The following MRC2 variants were observed in gnomAD, a reference collection of about 807,000 sequenced individuals.
The protein encoded by MRC2 is C-type mannose receptor 2.
A neutral mutation model predicts 206.2 loss-of-function variants in MRC2; 84 were observed. The ratio of observed to expected loss-of-function variants is 0.41; its 90% confidence interval spans 0.34 to 0.49. The LOEUF is 0.49. Ranked by LOEUF, MRC2 falls within the 20% of genes least tolerant of loss-of-function variation. The pLI is 0.31. For synonymous variants in MRC2, 798 were observed against 800.0 expected, an observed-to-expected ratio of 1.00 and a Z score of 0.04; for missense variants, 1,676 against 2,001.5, an observed-to-expected ratio of 0.84 and a Z score of 3.10.
chr17:62,640,550 C>T (rs1253215673), intron 1 of MRC2, among the ~76,000 whole-genome samples: 3 of 152,126 alleles, frequency 2.0e-5, no homozygotes, highest in South Asian at 2.1e-4. Context: ...GACACTGTCT[C>T]GCTCTGTTGC....
chr17:62,636,562 A>G (rs7213003), intron 1 of MRC2, among the ~76,000 whole-genome samples: 150,381 of 150,424 alleles, frequency 1, 75,169 homozygotes, highest in Middle Eastern at 1. Context: ...TCCACCTCCC[A>G]GGTTCACGCC....
chr17:62,659,266 G>T (rs747392212), intron 1 of MRC2, among the ~76,000 whole-genome samples: 3 of 152,172 alleles, frequency 2.0e-5, no homozygotes, highest in African/African-American at 2.4e-5. Flanking sequence ...CAGGCCGGGC[G>T]TGGTGGCTCA....
At chr17:62,644,898 A>G (rs1391403987) in intron 1 of MRC2, among the ~76,000 whole-genome samples, 1 of 152,058 alleles carries the variant, frequency 6.6e-6, no homozygotes, top group Non-Finnish European at 1.5e-5. Flanking sequence ...TGCTCTCTCC[A>G]TTAATAGCCC....
chr17:62,654,953 G>A (rs1251463304), intron 1 of MRC2, among the ~76,000 whole-genome samples: 1 of 152,144 alleles, frequency 6.6e-6, no homozygotes, highest in Non-Finnish European at 1.5e-5. Context: ...AGATCAGCTT[G>A]GGCAACAAAG....
At chr17:62,638,950 G>A (rs1385106029) in intron 1 of MRC2, among the ~76,000 whole-genome samples, 2 of 151,934 alleles carry the variant, frequency 1.3e-5, no homozygotes, top group African/African-American at 4.8e-5. Flanking sequence ...TAAATGTTAT[G>A]AGGACACCTG....
chr17:62,672,296 G>A lies in MRC2; in HGVS notation c.1461+144G>A. Reference sequence around the variant, plus strand: ...AGCAGTCCCCCTCCTCCCCACCAATGCCTTCCCTTCCATGTGAGAGACTGC... The same window carrying A: ...AGCAGTCCCCCTCCTCCCCACCAATACCTTCCCTTCCATGTGAGAGACTGC... On this transcript the variant is annotated intron_variant, in intron 8 of 29. Coordinates refer to ENST00000303375, the MANE Select transcript of MRC2 (RefSeq NM_006039.5). The surrounding 1 kb of genome is among the most constrained non-coding windows in gnomAD (Gnocchi z 4.5). 1.1e-6 allele frequency: 1 copy of A among 940,434 alleles called. No individual in the cohort carries two copies. 58.3% of individuals were successfully genotyped at this position (940,434 alleles called of 1,614,324 possible). A position where few individuals can be genotyped will look rare whatever the true frequency, so the allele number is the denominator to read the frequency against.
At chr17:62,661,338 G>A (rs2088676972) in intron 1 of MRC2, among the ~76,000 whole-genome samples, 1 of 152,112 alleles carries the variant, frequency 6.6e-6, no homozygotes, top group Non-Finnish European at 1.5e-5. Flanking sequence ...TACTATGAGC[G>A]AGGCTGTCAT....
In MRC2 at chr17:62,658,280, G is replaced by A. The variant is rs562268264; in HGVS notation, c.119-6268G>A. Among the ~76,000 whole-genome samples the A allele has an allele frequency of 5.9e-5, 9 of 152,240 alleles. No individual in the cohort carries two copies. In the South Asian group the frequency reaches 1.9e-3, roughly 32 times the overall value. Reference sequence around the variant, plus strand: ...CCTCTAACTGGATTACAAATCCTGCGAGGGGAGGGACGGTGCTGCGAGTTT... The same window carrying A: ...CCTCTAACTGGATTACAAATCCTGCAAGGGGAGGGACGGTGCTGCGAGTTT... On this transcript the variant is annotated intron_variant, in intron 1 of 29. Coordinates refer to ENST00000303375, the MANE Select transcript of MRC2 (RefSeq NM_006039.5).
In MRC2 at chr17:62,672,106, A is replaced by G. The variant is rs1369706119; in HGVS notation, c.1415A>G (p.Asn472Ser). ...ACCCACTGGCACCCCTTTGAGCCCA[A>G]CAACTTCCGGGACAGTCTGGAGGAC... ...SFTHWHPFEP[N>S]NFRDSLEDCV... The change falls in exon 8 of 30, where the codon AAC (asparagine) becomes AGC (serine). Residue 472 changes from asparagine to serine, a missense_variant. Asn to Ser is a conservative substitution (Grantham distance 46). This residue lies in a region of MRC2 where 1,354 missense variants were observed against 1,636.6 expected (regional missense o/e 0.83). Coordinates refer to ENST00000303375, the MANE Select transcript of MRC2 (RefSeq NM_006039.5). This position sits in a 1 kb window ranked among gnomAD's most constrained non-coding sequence, Gnocchi z 4.5. 6.2e-7 allele frequency: 1 copy of G among 1,614,114 alleles called. No homozygotes were observed. Among genetic ancestry groups the G allele is most frequent in the African/African-American group, 1.3e-5 (1 of 75,028 alleles).
At chr17:62,633,826 G>T (rs1208088188) in intron 1 of MRC2, among the ~76,000 whole-genome samples, 1 of 107,626 alleles carries the variant, frequency 9.3e-6, no homozygotes, top group African/African-American at 3.6e-5. Context: ...GAGTGACAGA[G>T]TGAGACCCTG....
intron 1 of MRC2, among the ~76,000 whole-genome samples, chr17:62,630,575 G>A (rs1217549318): frequency 1.3e-5 from 2 of 152,174 alleles, no homozygotes; most frequent in Non-Finnish European, 2.9e-5. Flanking sequence ...AGGTGCCTGG[G>A]AGGCCAGAAT....
Position 62,680,664 on chromosome 17 carries a change from G to C in MRC2, c.2474-136G>C. ...CCTGGGGCCTGGGGCCTGGCACGGT[G>C]CCTGCCTGGGTCCGGTGTGCCTGCA... On this transcript the variant is annotated intron_variant, in intron 16 of 29. Transcript: ENST00000303375. The surrounding 1 kb of genome is among the most constrained non-coding windows in gnomAD (Gnocchi z 4.8). 1 of 1,292,900 alleles carries C rather than the reference G, an allele frequency of 7.7e-7. No homozygotes were observed. Among genetic ancestry groups the C allele is most frequent in the African/African-American group, 1.5e-5 (1 of 66,576 alleles). The allele number at this position is 1,292,900 out of a possible 1,614,324, so 80.1% of individuals were successfully genotyped here.
At chr17:62,636,668 T>G (rs1432962480) in intron 1 of MRC2, among the ~76,000 whole-genome samples, 1 of 151,832 alleles carries the variant, frequency 6.6e-6, no homozygotes, top group African/African-American at 2.4e-5. Context: ...GAGACGGGGT[T>G]TCACCGTGTT....
chr17:62,664,957 G>C lies in MRC2; in HGVS notation c.520+8G>C. The C allele has an allele frequency of 6.3e-7, 1 of 1,590,838 alleles. No individual in the cohort carries two copies. The highest frequency in any genetic ancestry group is 8.5e-7 in the Non-Finnish European group (1 of 1,169,770). ...GTGCTCTGCCCTACCACGGTGAGGG[G>C]CCGCTTGCAGGCGGGAGGGTGGGGT... On this transcript the variant is annotated splice_region_variant and intron_variant, in intron 2 of 29. Coordinates refer to ENST00000303375, the MANE Select transcript of MRC2 (RefSeq NM_006039.5). The surrounding 1 kb of genome is among the most constrained non-coding windows in gnomAD (Gnocchi z 4.7).
At position 62,666,074 on chromosome 17, in the gene MRC2, C is replaced by A; in HGVS notation, c.521-20C>A. 1 of 1,569,526 alleles carries A rather than the reference C, an allele frequency of 6.4e-7. No individual in the cohort carries two copies. The highest frequency in any genetic ancestry group is 1.4e-5 in the African/African-American group (1 of 73,944). On this transcript the variant is annotated intron_variant, in intron 2 of 29. Coordinates refer to ENST00000303375, the MANE Select transcript of MRC2 (RefSeq NM_006039.5). The surrounding 1 kb of genome is among the most constrained non-coding windows in gnomAD (Gnocchi z 5.0). ...TGGTGTCCAGATGCCAAGGGCCTGG[C>A]CCCTGTCCACCCCCTGCAGAGGTCT... is the stretch of plus-strand genomic sequence containing the variant.
chr17:62,682,543 T>C (rs536358001), intron 20 of MRC2, among the ~76,000 whole-genome samples, 166 bp downstream of exon 20: 55 of 152,324 alleles, frequency 3.6e-4, no homozygotes, highest in African/African-American at 1.1e-3. Flanking sequence ...GCCAGACTCC[T>C]TGGAAAATGA....
At position 62,666,596 on chromosome 17, in the gene MRC2, TC is replaced by T; in HGVS notation, c.838del (p.His280ThrfsTer21). Reference sequence around the variant, plus strand: ...GCGGATCTGCTGAGCATCACGGAGATCCACGAGCAGACCTACATCAACGGTG... The same window carrying T: ...GCGGATCTGCTGAGCATCACGGAGATCACGAGCAGACCTACATCAACGGTG... The part of the protein sequence containing the change: ...QGADLLSITE[I>X]HEQTYINGLL... On this transcript the variant is annotated frameshift_variant, in exon 4 of 30. Coordinates refer to ENST00000303375, the MANE Select transcript of MRC2 (RefSeq NM_006039.5). LOFTEE classifies it high-confidence loss of function. This position sits in a 1 kb window ranked among gnomAD's most constrained non-coding sequence, Gnocchi z 5.0. The T allele has an allele frequency of 6.3e-7, 1 of 1,598,002 alleles. No individual in the cohort carries two copies. The highest frequency in any genetic ancestry group is 8.5e-7 in the Non-Finnish European group (1 of 1,172,540).
Position 62,646,023 on chromosome 17 carries a change from A to ATTT in MRC2, c.118+18120_118+18122dup, listed in dbSNP as rs34679697. Among the ~76,000 whole-genome samples the ATTT allele has an allele frequency of 8.2e-3, 867 of 106,366 alleles. 38 individuals are homozygous for ATTT. Among genetic ancestry groups the ATTT allele is most frequent in the African/African-American group, 0.027 (759 of 27,948 alleles). The allele number at this position is 106,366 out of a possible 152,430, so 69.8% of individuals were successfully genotyped here. A position where few individuals can be genotyped will look rare whatever the true frequency, so the allele number is the denominator to read the frequency against. ...TTAGGTCATTTCTCTGTCCTTTTCT[A>ATTT]TTTTTTTTTTTTTTTTTTTGAGACG... On this transcript the variant is annotated intron_variant, in intron 1 of 29. Transcript: ENST00000303375.
intron 10 of MRC2, 69 bp from the exon 11 acceptor site, chr17:62,676,314 G>T: frequency 6.3e-7 from 1 of 1,585,178 alleles, no homozygotes; most frequent in Non-Finnish European, 8.6e-7. Flanking sequence ...CCACGGTAGG[G>T]CGTCTGGCCT....
Sources: gnomAD v4.1 joint callset for allele counts (sites outside exome capture counted in the v4.1 genomes callset) on GRCh38, gnomAD v4.1.1 for gene constraint, gnomAD v4.1.1 regional missense constraint, Gnocchi (gnomAD v3.1) non-coding constraint, MANE v1.5 for transcripts, NCBI Gene and HGNC (gene_info 2026-07-23, HGNC 2026-07-21) for gene names.